Variants in STX8 observed in about 807,000 individuals in gnomAD.
STX8 encodes syntaxin-8.
Under a neutral mutation model 37.5 loss-of-function variants are expected in STX8, and 23 were observed. The observed-to-expected ratio is 0.61, with a 90% confidence interval of 0.44 to 0.87. STX8 has a LOEUF of 0.87. STX8 is among the 40% of genes least tolerant of loss of function. The pLI, the probability that STX8 is intolerant of heterozygous loss-of-function variation, is 0.00. For synonymous variants in STX8, 115 were observed against 99.1 expected (o/e 1.16, Z -0.95); for missense variants, 313 against 284.7 (o/e 1.10, Z -0.71).
At chr17:9,379,735 G>A (rs1361911117) in intron 6 of STX8, among the ~76,000 whole-genome samples, 3 of 152,054 alleles carry the variant, frequency 2.0e-5, no homozygotes, top group Admixed American at 6.6e-5. Context: ...TTGGGAGGCC[G>A]AGGCAGGAGG....
At chr17:9,400,920 GT>G (rs1435069203) in intron 6 of STX8, among the ~76,000 whole-genome samples, 2 of 152,112 alleles carry the variant, frequency 1.3e-5, no homozygotes, top group African/African-American at 4.8e-5. Flanking sequence ...ATGCTGTACA[GT>G]TTTTATATCT....
At chr17:9,522,683 G>C (rs1905401545) in intron 4 of STX8, among the ~76,000 whole-genome samples, 1 of 151,876 alleles carries the variant, frequency 6.6e-6, no homozygotes, top group Non-Finnish European at 1.5e-5. Flanking sequence ...CTGCACTCCA[G>C]CCTGGGCGAA....
At chr17:9,459,477 T>C (rs1597686295) in intron 6 of STX8, among the ~76,000 whole-genome samples, 1 of 152,218 alleles carries the variant, frequency 6.6e-6, no homozygotes, top group East Asian at 1.9e-4. Context: ...AAGCGTATCT[T>C]GTGTACCACA....
chr17:9,399,118 A>T (rs1912513190), intron 6 of STX8, among the ~76,000 whole-genome samples: 1 of 152,090 alleles, frequency 6.6e-6, no homozygotes, highest in African/African-American at 2.4e-5. Context: ...GAAAATGATA[A>T]ATGGAACAGG....
intron 6 of STX8, among the ~76,000 whole-genome samples, chr17:9,487,873 T>C (rs1467686136): frequency 6.6e-6 from 1 of 152,128 alleles, no homozygotes; most frequent in Non-Finnish European, 1.5e-5. Flanking sequence ...TGTGAGCATA[T>C]AAGAACCAAT....
At chr17:9,541,354 C>A (rs558973418) in intron 4 of STX8, among the ~76,000 whole-genome samples, 1 of 152,224 alleles carries the variant, frequency 6.6e-6, no homozygotes, top group Admixed American at 6.5e-5. Flanking sequence ...GTCAGACAGA[C>A]CACGTCCTTC....
At chr17:9,452,520 G>A (rs1260181903) in intron 6 of STX8, 1 of 152,134 alleles carries the variant, frequency 6.6e-6, no homozygotes, top group Non-Finnish European at 1.5e-5. Context: ...GTGGTAGGAA[G>A]TGCCCAGCTT....
At chr17:9,251,774 A>G (rs1195984783) in intron 7 of STX8, among the ~76,000 whole-genome samples, 2 of 152,230 alleles carry the variant, frequency 1.3e-5, no homozygotes, top group Non-Finnish European at 2.9e-5. Flanking sequence ...CCCTCCACAG[A>G]TCCTCAGGGT....
chr17:9,478,424 C>T (rs1328733372), intron 6 of STX8, among the ~76,000 whole-genome samples: 4 of 152,210 alleles, frequency 2.6e-5, no homozygotes, highest in Non-Finnish European at 5.9e-5. Context: ...GCTCCAGCCA[C>T]TGCGCCCAGC....
intron 7 of STX8, among the ~76,000 whole-genome samples, chr17:9,323,078 G>C (rs1463149842): frequency 1.3e-5 from 2 of 152,044 alleles, no homozygotes; most frequent in Non-Finnish European, 1.5e-5. Flanking sequence ...TCACTAGAGA[G>C]ATGCTAATTT....
intron 4 of STX8, among the ~76,000 whole-genome samples, chr17:9,508,933 C>G (rs2142505875): frequency 6.6e-6 from 1 of 152,174 alleles, no homozygotes; most frequent in South Asian, 2.1e-4. Context: ...TATCAAAAGT[C>G]AAAGACAAAG....
chr17:9,353,178 C>T, intron 7 of STX8, among the ~76,000 whole-genome samples: 1 of 152,210 alleles, frequency 6.6e-6, no homozygotes, highest in African/African-American at 2.4e-5. Context: ...GGATTACAGG[C>T]ATGACTGCCC....
intron 3 of STX8, 40 bp from the exon 4 acceptor site, chr17:9,545,322 C>T: frequency 6.9e-7 from 1 of 1,445,860 alleles, no homozygotes; most frequent in Non-Finnish European, 9.7e-7. Context: ...GAATAAATGA[C>T]CTCGTTTTAA....
At chr17:9,491,764 C>G (rs935090013) in intron 6 of STX8, 65 bp downstream of exon 6, 1 of 1,368,422 alleles carries the variant, frequency 7.3e-7, no homozygotes, top group African/African-American at 1.4e-5. Flanking sequence ...ACTCATTCAA[C>G]AAATGCTCAA....
intron 7 of STX8, among the ~76,000 whole-genome samples, chr17:9,277,177 G>A (rs981156302): frequency 1.7e-4 from 26 of 152,300 alleles, no homozygotes; most frequent in African/African-American, 5.3e-4. Flanking sequence ...TAGGTTTAAT[G>A]CGGATGAACA....
chr17:9,438,427 G>A (rs7209802), intron 6 of STX8, among the ~76,000 whole-genome samples: 32,437 of 151,474 alleles, frequency 0.21, 3,765 homozygotes, highest in Middle Eastern at 0.27. Flanking sequence ...TCCCACCTTG[G>A]CCCTCCTGAA....
At chr17:9,486,130 A>G (rs1411840009) in intron 6 of STX8, among the ~76,000 whole-genome samples, 1 of 152,218 alleles carries the variant, frequency 6.6e-6, no homozygotes, top group Non-Finnish European at 1.5e-5. Context: ...GTGATAATGA[A>G]CGGCCTAAAA....
At chr17:9,393,953 C>T (rs1177021728) in intron 6 of STX8, among the ~76,000 whole-genome samples, 2 of 151,802 alleles carry the variant, frequency 1.3e-5, no homozygotes, top group Non-Finnish European at 2.9e-5. Context: ...CACAGAACAA[C>T]AAACACAGTC....
At chr17:9,536,358 G>A (rs1906054288) in intron 4 of STX8, among the ~76,000 whole-genome samples, 1 of 152,168 alleles carries the variant, frequency 6.6e-6, no homozygotes, top group Non-Finnish European at 1.5e-5. Flanking sequence ...CCGAAGCCCT[G>A]ACGGCATCAC....
Sources: gnomAD v4.1 joint callset for allele counts (sites outside exome capture counted in the v4.1 genomes callset) on GRCh38, gnomAD v4.1.1 for gene constraint, MANE v1.5 for transcripts, NCBI Gene and HGNC (gene_info 2026-07-23, HGNC 2026-07-21) for gene names.